Variants in ADAM12 observed in about 807,000 individuals in gnomAD.
The protein encoded by ADAM12 is ADAM metallopeptidase domain 12, also known as disintegrin and metalloproteinase domain-containing protein 12.
A neutral mutation model predicts 106.4 loss-of-function variants in ADAM12; 70 were observed. That is an observed-to-expected ratio of 0.66 (90% CI 0.54 to 0.80). The LOEUF is 0.80. Ranked by LOEUF, ADAM12 falls within the 30% of genes least tolerant of loss-of-function variation. The pLI is 0.00. For synonymous variants in ADAM12, 420 were observed against 433.5 expected, an observed-to-expected ratio of 0.97 and a Z score of 0.39; for missense variants, 1,010 against 1,171.9, an observed-to-expected ratio of 0.86 and a Z score of 2.02.
chr10:126,157,434 A>T (rs1956839630), intron 3 of ADAM12, among the ~76,000 whole-genome samples: 1 of 152,218 alleles, frequency 6.6e-6, no homozygotes, highest in Admixed American at 6.5e-5. Context: ...GATGAGAAGC[A>T]CTTCCTTACA....
At chr10:126,226,423 G>C (rs1004102972) in intron 3 of ADAM12, among the ~76,000 whole-genome samples, 1 of 152,210 alleles carries the variant, frequency 6.6e-6, no homozygotes, top group African/African-American at 2.4e-5. Flanking sequence ...GCGTTGGCAA[G>C]GGGTGTGAAG....
chr10:126,133,781 C>A (rs954806853), intron 5 of ADAM12, among the ~76,000 whole-genome samples: 23 of 152,192 alleles, frequency 1.5e-4, no homozygotes, highest in Non-Finnish European at 1.6e-4. Flanking sequence ...TGCTGGCCAC[C>A]TCGCTGCTCT....
At chr10:126,111,055 A>T (rs1346730357) in intron 6 of ADAM12, among the ~76,000 whole-genome samples, 1 of 152,220 alleles carries the variant, frequency 6.6e-6, no homozygotes, top group African/African-American at 2.4e-5. Flanking sequence ...ATCTTTTATA[A>T]AACAAATCCC....
At position 126,130,856 on chromosome 10, in the gene ADAM12, AAT is replaced by A. The variant is rs542146560; in HGVS notation, c.416+4726_416+4727del. ...TCCCCAGTTGTCACTCTAATGAGTT[AAT>A]GTCACTAGTTTATAAGTTGTTTTAT... On this transcript the variant is annotated intron_variant, in intron 5 of 22. Coordinates refer to ENST00000448723, the MANE Select transcript of ADAM12 (RefSeq NM_001288973.2). 3.1e-4 allele frequency among the ~76,000 whole-genome samples: 47 copies of A among 152,318 alleles called. 1 individual carries two copies. The South Asian group carries it at 9.3e-3, about 30-fold the overall frequency.
chr10:126,127,692 C>T (rs746003271), intron 5 of ADAM12, among the ~76,000 whole-genome samples: 16 of 152,210 alleles, frequency 1.1e-4, no homozygotes, highest in Non-Finnish European at 1.8e-4. Context: ...GACGTAAACA[C>T]ATATTTACAA....
intron 5 of ADAM12, among the ~76,000 whole-genome samples, chr10:126,129,772 C>T (rs865952577): frequency 1.4e-4 from 21 of 152,190 alleles, no homozygotes; most frequent in African/African-American, 4.3e-4. Flanking sequence ...CATGGCTGAA[C>T]TCCTTTTTAC....
At chr10:126,259,817 T>C (rs560879000) in intron 3 of ADAM12, among the ~76,000 whole-genome samples, 1 of 152,220 alleles carries the variant, frequency 6.6e-6, no homozygotes, top group Non-Finnish European at 1.5e-5. Context: ...GGGCCAAACA[T>C]CTAACACTGA....
chr10:126,278,907 TA>T lies in ADAM12; in HGVS notation c.260+7del. ...CTCCTATCATGCAATAAACAAGAAT[TA>T]ACTTACTCATTTCTTTCCAGATTTA... On this transcript the variant is annotated splice_region_variant and intron_variant, in intron 3 of 22. Coordinates refer to ENST00000448723, the MANE Select transcript of ADAM12 (RefSeq NM_001288973.2). The T allele has an allele frequency of 3.1e-6, 5 of 1,597,890 alleles. No individual in the cohort carries two copies. The highest frequency in any genetic ancestry group is 4.3e-6 in the Non-Finnish European group (5 of 1,166,906).
chr10:126,261,132 C>A (rs1958993384), intron 3 of ADAM12, among the ~76,000 whole-genome samples: 1 of 152,070 alleles, frequency 6.6e-6, no homozygotes, highest in Admixed American at 6.6e-5. Context: ...AAATACTATG[C>A]CATTTTATAT....
chr10:126,076,417 T>C (rs1433310183), intron 11 of ADAM12, among the ~76,000 whole-genome samples: 1 of 152,206 alleles, frequency 6.6e-6, no homozygotes, highest in Non-Finnish European at 1.5e-5. Flanking sequence ...AGTTATTTTC[T>C]TTTGGATATA....
At chr10:126,322,193 T>C (rs1002910888) in intron 2 of ADAM12, among the ~76,000 whole-genome samples, 2 of 152,220 alleles carry the variant, frequency 1.3e-5, no homozygotes, top group African/African-American at 4.8e-5. Context: ...CATTCATTTA[T>C]GTATTATCTA....
chr10:126,322,391 C>T (rs1415008189), intron 2 of ADAM12, among the ~76,000 whole-genome samples: 5 of 152,190 alleles, frequency 3.3e-5, no homozygotes, highest in African/African-American at 4.8e-5. Flanking sequence ...CTTTTCTCAC[C>T]GTGCAGTGGT....
intron 3 of ADAM12, among the ~76,000 whole-genome samples, chr10:126,228,509 GT>G (rs1958244354): frequency 1.3e-5 from 2 of 152,220 alleles, no homozygotes; most frequent in East Asian, 1.9e-4. Context: ...TTAAACATAT[GT>G]TTTTTGAAAT....
At chr10:126,138,380 A>T (rs1956445763) in intron 4 of ADAM12, among the ~76,000 whole-genome samples, 1 of 151,360 alleles carries the variant, frequency 6.6e-6, no homozygotes, top group African/African-American at 2.4e-5. Context: ...TATTTTATTT[A>T]TTTATTTTTT....
chr10:126,379,049 G>A (rs970688630), intron 1 of ADAM12, among the ~76,000 whole-genome samples: 1 of 152,110 alleles, frequency 6.6e-6, no homozygotes, highest in Admixed American at 6.5e-5. Flanking sequence ...AAAAACCCAG[G>A]ATGAAAACAA....
chr10:126,244,342 T>C (rs1226936267), intron 3 of ADAM12, among the ~76,000 whole-genome samples: 6 of 152,152 alleles, frequency 3.9e-5, no homozygotes, highest in Non-Finnish European at 8.8e-5. Context: ...TGCCGGTATT[T>C]GAAGGCAACC....
At chr10:126,105,511 G>A (rs11244813) in intron 8 of ADAM12, among the ~76,000 whole-genome samples, 8,124 of 152,242 alleles carry the variant, frequency 0.053, 281 homozygotes, top group Middle Eastern at 0.12. Flanking sequence ...TAAGCCTTCC[G>A]CCCTCTAGGC....
chr10:126,124,950 CAAT>C (rs1438393315), intron 5 of ADAM12, among the ~76,000 whole-genome samples: 2 of 148,376 alleles, frequency 1.3e-5, no homozygotes, highest in East Asian at 2.0e-4. Context: ...ACCAGCACAT[CAAT>C]AATAATAATA....
intron 4 of ADAM12, among the ~76,000 whole-genome samples, chr10:126,141,820 T>C (rs1374717870): frequency 6.6e-6 from 1 of 152,238 alleles, no homozygotes; most frequent in Admixed American, 6.5e-5. Flanking sequence ...ATGCCTTCTT[T>C]AGGGGAAATT....
Sources: allele counts gnomAD v4.1 joint callset (sites outside exome capture counted in the v4.1 genomes callset), GRCh38; gene constraint gnomAD v4.1.1; transcripts MANE v1.5; gene names NCBI Gene and HGNC (gene_info 2026-07-23, HGNC 2026-07-21).